Variants in PCDHA8 observed in about 807,000 individuals in gnomAD.
PCDHA8 encodes the protein protocadherin alpha-8.
In PCDHA8, 53 loss-of-function variants were observed where a neutral mutation model predicts 61.8. The observed-to-expected ratio is 0.86, with a 90% CI of 0.69 to 1.08. PCDHA8 has a LOEUF of 1.08. PCDHA8 is among the 50% of genes least tolerant of loss of function. The pLI is 0.00. For synonymous variants in PCDHA8, 618 were observed against 556.6 expected, an observed-to-expected ratio of 1.11 and a Z score of -1.55; for missense variants, 1,293 against 1,245.0, an observed-to-expected ratio of 1.04 and a Z score of -0.58.
chr5:140,882,111 C>A, intron 1 of PCDHA8: 1 of 1,379,348 alleles, frequency 7.2e-7, no homozygotes, highest in Non-Finnish European at 9.8e-7. Context: ...GCGAAGAAAG[C>A]CGCCGTTTCT....
chr5:140,906,193 AAGTTGACACTC>A (rs1337204998), intron 1 of PCDHA8, among the ~76,000 whole-genome samples: 4 of 152,140 alleles, frequency 2.6e-5, no homozygotes, highest in African/African-American at 9.7e-5. Context: ...CAATCCAATC[AAGTTGACACTC>A]AGTATTAACC....
chr5:140,933,715 G>C (rs1292658358), intron 1 of PCDHA8, among the ~76,000 whole-genome samples: 1 of 151,902 alleles, frequency 6.6e-6, no homozygotes, highest in Non-Finnish European at 1.5e-5. Flanking sequence ...ACTGAGATTG[G>C]TGATACAGCT....
intron 1 of PCDHA8, chr5:140,928,541 AC>A: frequency 3.7e-6 from 6 of 1,614,192 alleles, no homozygotes; most frequent in Non-Finnish European, 5.1e-6. Context: ...GATAGGAATG[AC>A]AATTATCCGG....
chr5:140,928,424 C>A, intron 1 of PCDHA8: 1 of 1,614,184 alleles, frequency 6.2e-7, no homozygotes, highest in Non-Finnish European at 8.5e-7. Context: ...ACTGCCAAAA[C>A]TTCCTTTGAC....
intron 1 of PCDHA8, chr5:140,853,757 T>G: frequency 1.0e-6 from 1 of 988,514 alleles, no homozygotes; most frequent in East Asian, 1.1e-4. Context: ...AGGCTCCACC[T>G]CAGAAATTCT....
In PCDHA8 at chr5:140,927,786, A is replaced by G. The variant is rs782728309; in HGVS notation, c.2395-51163A>G. 11 of 1,614,074 alleles carry G rather than the reference A, an allele frequency of 6.8e-6. No homozygotes were observed. The East Asian group carries it at 2.0e-4, about 29-fold the overall frequency. On this transcript the variant is annotated intron_variant, in intron 1 of 3. Transcript: ENST00000531613. ...GTGGGGAGGTGCAAGTAGCTGCTTC[A>G]CTAGGTCCGCCTGAAACGCTCTTGG...
intron 1 of PCDHA8, chr5:140,864,284 T>C (rs573508000): frequency 1.3e-5 from 2 of 152,220 alleles, no homozygotes; most frequent in Non-Finnish European, 2.9e-5. Flanking sequence ...CCTTATTGTT[T>C]TTATGTATTC....
chr5:140,886,841 A>G lies in PCDHA8; in HGVS notation c.2394+43126A>G, dbSNP rs11748230. ...GACTTCGTCTTGAAAAAAAAAAAAA[A>G]AAAAAAGAAAGGTCTTCCCAACTCC... is the stretch of plus-strand genomic sequence containing the variant. On this transcript the variant is annotated intron_variant, in intron 1 of 3. Transcript: ENST00000531613. Among the ~76,000 whole-genome samples the G allele has an allele frequency of 9.0e-3, 1,368 of 151,662 alleles. 8 individuals are homozygous for G. Among genetic ancestry groups the G allele is most frequent in the Non-Finnish European group, 0.016 (1,078 of 67,864 alleles).
chr5:140,997,668 TTGTG>T lies in PCDHA8; in HGVS notation c.2543-11933_2543-11930del, dbSNP rs35184029. On this transcript the variant is annotated intron_variant, in intron 3 of 3. Coordinates refer to ENST00000531613, the MANE Select transcript of PCDHA8 (RefSeq NM_018911.3). ...AATGCAATATGTATTATTATACAGC[TTGTG>T]TGTGTGTGTGTGTGTGTGTGTGTGT... Among the ~76,000 whole-genome samples, 716 of 148,202 alleles carry T rather than the reference TTGTG, an allele frequency of 4.8e-3. 2 individuals carry two copies. The highest frequency in any genetic ancestry group is 0.01 in the Middle Eastern group (3 of 294).
intron 1 of PCDHA8, chr5:140,966,502 G>GGCAGCA (rs2096011406): frequency 6.9e-6 from 3 of 433,776 alleles, no homozygotes; most frequent in Non-Finnish European, 1.2e-5. Context: ...GAGCTGTAGC[G>GGCAGCA]GCAGCAGCAG....
chr5:141,003,520 C>G (rs1171208921), intron 3 of PCDHA8, among the ~76,000 whole-genome samples: 2 of 152,244 alleles, frequency 1.3e-5, no homozygotes, highest in Middle Eastern at 3.4e-3. Flanking sequence ...ACCATGTTCC[C>G]TAGGCTGGTC....
chr5:140,929,496 G>T, intron 1 of PCDHA8: 14 of 989,736 alleles, frequency 1.4e-5, no homozygotes, highest in Non-Finnish European at 1.8e-5. Context: ...TTAGAAGATT[G>T]CCCTAGGCCT....
intron 1 of PCDHA8, chr5:140,877,875 C>T (rs2057379478): frequency 6.8e-7 from 1 of 1,475,090 alleles, no homozygotes; most frequent in Non-Finnish European, 9.0e-7. Context: ...TATTTGTTTC[C>T]TTGAAGAACT....
At position 140,841,458 on chromosome 5, in the gene PCDHA8, G is replaced by T. The variant is rs2150315915; in HGVS notation, c.137G>T (p.Gly46Val). The T allele has an allele frequency of 1.2e-6, 2 of 1,612,756 alleles. No homozygotes were observed. The highest frequency in any genetic ancestry group is 2.7e-5 in the African/African-American group (2 of 74,842). ...GAGGCCAAACACGGCACCTTCGTGG[G>T]CCGGATCGCGCAGGACCTGGGGCTG... The part of the protein sequence containing the change: ...PEEAKHGTFV[G>V]RIAQDLGLEL... The change falls in exon 1 of 4, where the codon GGC becomes GTC. Residue 46 changes from glycine (G) to valine (V), a missense_variant. Transcript: ENST00000531613.
chr5:140,875,668 G>A lies in PCDHA8; in HGVS notation c.2394+31953G>A, dbSNP rs1554167843. On this transcript the variant is annotated intron_variant, in intron 1 of 3. Transcript: ENST00000531613. ...GGAGCTGGTGCCGCGCCTGTTCCGG[G>A]TGGCGTCCAAAAGACACGGGGACCT... 4.3e-6 allele frequency: 7 copies of A among 1,613,726 alleles called. No homozygotes were observed. The highest frequency in any genetic ancestry group is 3.3e-5 in the South Asian group (3 of 91,074).
intron 1 of PCDHA8, chr5:140,876,243 C>A: frequency 6.2e-7 from 1 of 1,613,948 alleles, no homozygotes; most frequent in Non-Finnish European, 8.5e-7. Context: ...ATGTCCAAAA[C>A]GACACAAGAG....
chr5:140,857,464 C>T lies in PCDHA8; in HGVS notation c.2394+13749C>T. On this transcript the variant is annotated intron_variant, in intron 1 of 3. Transcript: ENST00000531613. ...AGGAGAACAACCCGCCAGGCTGCCACATCTTCACGGTGTCTGCGTGGGACG... is the reference window on the plus strand; with the variant it reads ...AGGAGAACAACCCGCCAGGCTGCCATATCTTCACGGTGTCTGCGTGGGACG... 1.9e-6 allele frequency: 3 copies of T among 1,598,642 alleles called. 1 individual carries two copies. The South Asian group carries it at 3.3e-5, about 18-fold the overall frequency.
intron 1 of PCDHA8, chr5:140,927,132 G>C: frequency 6.2e-7 from 1 of 1,614,052 alleles, no homozygotes; most frequent in Non-Finnish European, 8.5e-7. Context: ...TCAGAGAGCC[G>C]GCGGACCGCG....
At position 140,980,991 on chromosome 5, in the gene PCDHA8, C is replaced by G. The variant is rs888673669; in HGVS notation, c.2454-1484C>G. Among the ~76,000 whole-genome samples the G allele has an allele frequency of 1.2e-4, 18 of 151,972 alleles. 1 individual carries two copies. Among genetic ancestry groups the G allele is most frequent in the Non-Finnish European group, 8.8e-5 (6 of 68,014 alleles). ...AATCTGACTGAGCCCACACAATTTG[C>G]TAGTAGGATCCAGGAACACTTGAAG... On this transcript the variant is annotated intron_variant, in intron 2 of 3. Transcript: ENST00000531613.
Sources: gnomAD v4.1 joint callset for allele counts (sites outside exome capture counted in the v4.1 genomes callset) on GRCh38, gnomAD v4.1.1 for gene constraint, MANE v1.5 for transcripts, NCBI Gene and HGNC (gene_info 2026-07-23, HGNC 2026-07-21) for gene names.